Variants in TNFRSF10D observed in about 807,000 individuals in gnomAD.
TNFRSF10D encodes tumor necrosis factor receptor superfamily member 10D.
Under a neutral mutation model 42.1 loss-of-function variants are expected in TNFRSF10D, and 28 were observed. The observed-to-expected ratio is 0.66, with a 90% CI of 0.49 to 0.91. TNFRSF10D has a LOEUF of 0.91. TNFRSF10D is among the 40% of genes least tolerant of loss of function. TNFRSF10D has a pLI of 0.00. For synonymous variants in TNFRSF10D, 186 were observed against 189.4 expected (o/e 0.98, Z 0.15); for missense variants, 503 against 486.1 (o/e 1.03, Z -0.33).
At chr8:23,160,661 C>T (rs1162543422) in intron 1 of TNFRSF10D, among the ~76,000 whole-genome samples, 1 of 152,056 alleles carries the variant, frequency 6.6e-6, no homozygotes, top group East Asian at 1.9e-4. Flanking sequence ...AGGCTCGGGG[C>T]ATGGCACTGT....
intron 7 of TNFRSF10D, among the ~76,000 whole-genome samples, chr8:23,140,375 GAC>G (rs71546853): frequency 0.049 from 7,131 of 145,332 alleles, 214 homozygotes; most frequent in Non-Finnish European, 0.063. Context: ...ATTTACAACA[GAC>G]ACACACACAC....
intron 7 of TNFRSF10D, among the ~76,000 whole-genome samples, chr8:23,140,192 G>A (rs906202945): frequency 6.6e-6 from 1 of 152,176 alleles, no homozygotes; most frequent in African/African-American, 2.4e-5. Flanking sequence ...GGGAGGCTGA[G>A]GCAGGAGAAT....
At chr8:23,143,264 C>A (rs566954651) in intron 7 of TNFRSF10D, among the ~76,000 whole-genome samples, 23 of 150,176 alleles carry the variant, frequency 1.5e-4, no homozygotes, top group Non-Finnish European at 3.2e-4. Context: ...GCATGAGCCA[C>A]GGCGCCCGGC....
chr8:23,155,275 G>T (rs183822105), intron 1 of TNFRSF10D, among the ~76,000 whole-genome samples: 413 of 144,240 alleles, frequency 2.9e-3, no homozygotes, highest in African/African-American at 9.0e-3. Context: ...TTGCTATGTT[G>T]CCCAGGCTAG....
chr8:23,148,430 T>C lies in TNFRSF10D; in HGVS notation c.370+8A>G. 6.2e-7 allele frequency: 1 copy of C among 1,603,020 alleles called. No individual in the cohort carries two copies. The highest frequency in any genetic ancestry group is 1.3e-5 in the African/African-American group (1 of 74,740). ...CACCTCTGGGCAAGGGGTCCACACA[T>C]TCTGTACCTGATTTACAAACTGTAC... On this transcript the variant is annotated splice_region_variant and intron_variant, in intron 3 of 8. Coordinates refer to ENST00000312584, the MANE Select transcript of TNFRSF10D (RefSeq NM_003840.5).
intron 2 of TNFRSF10D, among the ~76,000 whole-genome samples, chr8:23,151,361 G>A (rs910446913): frequency 1.3e-5 from 2 of 151,344 alleles, no homozygotes; most frequent in African/African-American, 2.4e-5. Context: ...AAAAAAAAAC[G>A]GGGGGAGTTC....
At chr8:23,163,379 A>G (rs550399873) in intron 1 of TNFRSF10D, among the ~76,000 whole-genome samples, 129 of 152,246 alleles carry the variant, frequency 8.5e-4, no homozygotes, top group African/African-American at 2.9e-3. Context: ...CTGGGATTAC[A>G]GGCGTGAGCC....
chr8:23,163,559 G>C (rs971343085), intron 1 of TNFRSF10D, among the ~76,000 whole-genome samples: 4 of 152,284 alleles, frequency 2.6e-5, no homozygotes, highest in Admixed American at 6.5e-5. Context: ...CTCGCCGCAC[G>C]GGACAGCCAG....
intron 4 of TNFRSF10D, among the ~76,000 whole-genome samples, chr8:23,146,156 C>G (rs142470924): frequency 6.6e-6 from 1 of 152,200 alleles, no homozygotes; most frequent in Admixed American, 6.5e-5. Flanking sequence ...GATCCAGGAG[C>G]CTTCTGTGCT....
intron 7 of TNFRSF10D, among the ~76,000 whole-genome samples, chr8:23,139,406 A>G (rs1814403248): frequency 6.6e-6 from 1 of 152,164 alleles, no homozygotes; most frequent in Admixed American, 6.6e-5. Context: ...GGAGGGAAGG[A>G]TGGAGGAAAT....
At chr8:23,138,073 C>G (rs1022610687) in intron 8 of TNFRSF10D, 70 bp from the exon 9 acceptor site, 5 of 1,608,306 alleles carry the variant, frequency 3.1e-6, no homozygotes, top group Non-Finnish European at 4.3e-6. Flanking sequence ...ACATGGGGCC[C>G]CCTGCTTCCA....
intron 1 of TNFRSF10D, among the ~76,000 whole-genome samples, chr8:23,159,307 C>T (rs183945109): frequency 5.8e-3 from 874 of 151,592 alleles, no homozygotes; most frequent in African/African-American, 0.018. Context: ...AAACAGCAGG[C>T]GCAATAAGAT....
chr8:23,163,140 AC>A (rs1341531395), intron 1 of TNFRSF10D, among the ~76,000 whole-genome samples: 4 of 95,320 alleles, frequency 4.2e-5, no homozygotes, highest in South Asian at 3.7e-4. Context: ...GCTCTTGTTG[AC>A]CAGGCTGGAG....
chr8:23,146,483 C>T (rs997276445), intron 4 of TNFRSF10D, among the ~76,000 whole-genome samples: 9 of 152,154 alleles, frequency 5.9e-5, no homozygotes, highest in Non-Finnish European at 1.3e-4. Context: ...CTTAAGGGAG[C>T]TCCACCCATG....
intron 7 of TNFRSF10D, among the ~76,000 whole-genome samples, chr8:23,141,184 A>G (rs1056968825): frequency 6.6e-6 from 1 of 152,184 alleles, no homozygotes; most frequent in Non-Finnish European, 1.5e-5. Flanking sequence ...CATCTAATTG[A>G]ACTAAAGACC....
At chr8:23,161,060 T>A (rs967799070) in intron 1 of TNFRSF10D, among the ~76,000 whole-genome samples, 1 of 152,324 alleles carries the variant, frequency 6.6e-6, no homozygotes, top group East Asian at 1.9e-4. Context: ...CTCTGCTGGG[T>A]GGAGGACATG....
chr8:23,143,568 A>T (rs889340688), intron 7 of TNFRSF10D, among the ~76,000 whole-genome samples: 4 of 150,232 alleles, frequency 2.7e-5, no homozygotes, highest in African/African-American at 1.0e-4. Flanking sequence ...ATTAAAAAAA[A>T]TGGGGTATAG....
At chr8:23,140,118 C>CGT (rs1563354217) in intron 7 of TNFRSF10D, among the ~76,000 whole-genome samples, 9 of 151,820 alleles carry the variant, frequency 5.9e-5, no homozygotes, top group African/African-American at 1.5e-4. Context: ...TGAAACCCCA[C>CGT]CTCTACTAAA....
intron 1 of TNFRSF10D, among the ~76,000 whole-genome samples, chr8:23,159,785 T>C (rs1208650269): frequency 2.0e-5 from 3 of 152,066 alleles, no homozygotes; most frequent in Non-Finnish European, 4.4e-5. Context: ...ATCGCTTGAA[T>C]CTGGGAGGCG....
Sources: gnomAD v4.1 joint callset for allele counts (sites outside exome capture counted in the v4.1 genomes callset) on GRCh38, gnomAD v4.1.1 for gene constraint, MANE v1.5 for transcripts, NCBI Gene and HGNC (gene_info 2026-07-23, HGNC 2026-07-21) for gene names.